ANO2: variants seen among roughly 807,000 people sequenced by gnomAD.
ANO2 encodes anoctamin-2.
In ANO2, 101 loss-of-function variants were observed where a neutral mutation model predicts 124.2. The observed-to-expected ratio is 0.81, with a 90% confidence interval of 0.69 to 0.96. ANO2 has a LOEUF of 0.96. Ranked by LOEUF, ANO2 falls within the 40% of genes least tolerant of loss-of-function variation. The probability of loss-of-function intolerance (pLI) is 0.00; values close to 1 mark genes in which losing one functional copy is unlikely to be tolerated. For synonymous variants in ANO2, 486 were observed against 482.5 expected, an observed-to-expected ratio of 1.01 and a Z score of -0.09; for missense variants, 1,293 against 1,274.5, an observed-to-expected ratio of 1.01 and a Z score of -0.22.
At chr12:5,722,424 G>A (rs1002679216) in intron 14 of ANO2, among the ~76,000 whole-genome samples, 38 of 152,198 alleles carry the variant, frequency 2.5e-4, no homozygotes, top group African/African-American at 8.7e-4. Context: ...GGAGAATGGC[G>A]TGAACCTGGG....
intron 19 of ANO2, among the ~76,000 whole-genome samples, chr12:5,605,487 T>C (rs1565464984): frequency 6.6e-6 from 1 of 152,200 alleles, no homozygotes; most frequent in Non-Finnish European, 1.5e-5. Context: ...GTGGCAGTAT[T>C]GATCTGTCTA....
intron 21 of ANO2, 42 bp from the exon 22 acceptor site, chr12:5,578,049 C>T (rs543211941): frequency 1.3e-5 from 20 of 1,597,762 alleles, no homozygotes; most frequent in East Asian, 2.2e-5. Context: ...CTCCCGCCCT[C>T]GGCCCAGTGA....
chr12:5,564,893 C>A (rs1440309803), intron 24 of ANO2, among the ~76,000 whole-genome samples: 1 of 152,256 alleles, frequency 6.6e-6, no homozygotes, highest in South Asian at 2.1e-4. Context: ...AATACAAAAG[C>A]CTGAGGGAGC....
intron 3 of ANO2, among the ~76,000 whole-genome samples, chr12:5,896,336 A>C (rs1332774105): frequency 6.6e-6 from 1 of 152,252 alleles, no homozygotes; most frequent in African/African-American, 2.4e-5. Flanking sequence ...AACAACTAAT[A>C]AAATCACACA....
intron 20 of ANO2, among the ~76,000 whole-genome samples, chr12:5,594,558 G>A (rs890184419): frequency 3.3e-5 from 5 of 152,142 alleles, no homozygotes; most frequent in Non-Finnish European, 7.4e-5. Flanking sequence ...ACTCGTGGCC[G>A]GGTGTGGTGG....
intron 10 of ANO2, among the ~76,000 whole-genome samples, chr12:5,768,599 G>A (rs1233581264): frequency 6.6e-6 from 1 of 152,210 alleles, no homozygotes; most frequent in Non-Finnish European, 1.5e-5. Flanking sequence ...AGGACTCACA[G>A]CCACAGCCCC....
intron 3 of ANO2, among the ~76,000 whole-genome samples, chr12:5,871,183 A>C (rs1937666532): frequency 6.6e-6 from 1 of 152,210 alleles, no homozygotes; most frequent in South Asian, 2.1e-4. Context: ...GCCCCAAAGC[A>C]AAACCTACAG....
At chr12:5,609,746 C>T (rs1228722224) in intron 19 of ANO2, among the ~76,000 whole-genome samples, 1 of 151,868 alleles carries the variant, frequency 6.6e-6, no homozygotes, top group Non-Finnish European at 1.5e-5. Flanking sequence ...GTCCCTGACA[C>T]ACCCCAAGAC....
At chr12:5,912,863 C>T (rs1941137304) in intron 3 of ANO2, among the ~76,000 whole-genome samples, 2 of 152,152 alleles carry the variant, frequency 1.3e-5, no homozygotes, top group South Asian at 2.1e-4. Context: ...CACGACTGTT[C>T]CTACACTCAG....
chr12:5,851,724 A>G (rs76935314), intron 4 of ANO2, among the ~76,000 whole-genome samples: 3,689 of 150,494 alleles, frequency 0.025, 145 homozygotes, highest in African/African-American at 0.083. Flanking sequence ...GGTGTCATAG[A>G]GTGTGCAAAG....
At position 5,769,216 on chromosome 12, in the gene ANO2, G is replaced by A. The variant is rs761903495; in HGVS notation, c.1056-18246C>T. Among the ~76,000 whole-genome samples the A allele has an allele frequency of 2.2e-4, 34 of 152,268 alleles. No individual in the cohort carries two copies. Among genetic ancestry groups the A allele is most frequent in the Admixed American group, 7.2e-4 (11 of 15,298 alleles). Reference sequence around the variant, plus strand: ...CTCCAACCAATCCTCTCTTTAAGAAGGTTTCCAAATAAAGAGCCATCGTAT... The same window carrying A: ...CTCCAACCAATCCTCTCTTTAAGAAAGTTTCCAAATAAAGAGCCATCGTAT... On this transcript the variant is annotated intron_variant, in intron 10 of 24. Coordinates refer to ENST00000682330, the MANE Select transcript of ANO2 (RefSeq NM_001364791.2). The surrounding 1 kb of genome is among the most constrained non-coding windows in gnomAD (Gnocchi z 4.0).
chr12:5,734,414 G>C (rs1026716031), intron 13 of ANO2, among the ~76,000 whole-genome samples: 4 of 152,176 alleles, frequency 2.6e-5, no homozygotes, highest in African/African-American at 9.7e-5. Flanking sequence ...GTGAGTTCCA[G>C]AACATGGGTT....
At chr12:5,789,672 A>G (rs1952641677) in intron 10 of ANO2, among the ~76,000 whole-genome samples, 1 of 152,216 alleles carries the variant, frequency 6.6e-6, no homozygotes, top group Non-Finnish European at 1.5e-5. Flanking sequence ...TCTCCCAGGC[A>G]GGGATCTTGA....
intron 1 of ANO2, among the ~76,000 whole-genome samples, chr12:5,938,575 C>T (rs1040234223): frequency 2.6e-5 from 4 of 152,146 alleles, no homozygotes; most frequent in Non-Finnish European, 4.4e-5. Context: ...AATCCCAGCA[C>T]TTTGGGAGAT....
rs995966226 is a variant in ANO2 at position 5,658,377 on chromosome 12, T to C, written c.1546-10576A>G. ...ACCCAATACTTGTTGCCTATCATCA[T>C]CATCATCAACAACATCATCATCGTC... On this transcript the variant is annotated intron_variant, in intron 14 of 24. Coordinates refer to ENST00000682330, the MANE Select transcript of ANO2 (RefSeq NM_001364791.2). This position sits in a 1 kb window ranked among gnomAD's most constrained non-coding sequence, Gnocchi z 4.3. 2.0e-5 allele frequency among the ~76,000 whole-genome samples: 3 copies of C among 152,200 alleles called. No individual in the cohort carries two copies. Among genetic ancestry groups the C allele is most frequent in the Non-Finnish European group, 2.9e-5 (2 of 68,034 alleles).
intron 20 of ANO2, among the ~76,000 whole-genome samples, chr12:5,593,150 T>C (rs374089830): frequency 6.6e-6 from 1 of 152,182 alleles, no homozygotes; most frequent in Non-Finnish European, 1.5e-5. Context: ...TATAAGCTCA[T>C]GACCAAGAAA....
intron 4 of ANO2, among the ~76,000 whole-genome samples, chr12:5,846,746 T>C (rs1954696197): frequency 1.3e-5 from 2 of 152,182 alleles, no homozygotes; most frequent in African/African-American, 4.8e-5. Context: ...TCTTCTCCCC[T>C]CTCAAATCTC....
chr12:5,651,682 G>A (rs1387703512), intron 14 of ANO2, among the ~76,000 whole-genome samples: 4 of 152,106 alleles, frequency 2.6e-5, no homozygotes, highest in Admixed American at 6.5e-5. Flanking sequence ...ATATAACCAC[G>A]ACCACAATCA....
At chr12:5,733,381 T>C (rs900536777) in intron 13 of ANO2, among the ~76,000 whole-genome samples, 3 of 152,300 alleles carry the variant, frequency 2.0e-5, no homozygotes, top group African/African-American at 7.2e-5. Flanking sequence ...GGAAAATGCA[T>C]AACTCACTTC....
Sources: allele counts gnomAD v4.1 joint callset (sites outside exome capture counted in the v4.1 genomes callset), GRCh38; gene constraint gnomAD v4.1.1; non-coding constraint Gnocchi (gnomAD v3.1); transcripts MANE v1.5; gene names NCBI Gene and HGNC (gene_info 2026-07-23, HGNC 2026-07-21).